AXDND1: variants seen among roughly 807,000 people sequenced by gnomAD.
AXDND1 encodes the protein axonemal dynein light chain domain containing 1, also known as axonemal dynein light chain domain-containing protein 1.
In AXDND1, 110 loss-of-function variants were observed where a neutral mutation model predicts 137.5. The ratio of observed to expected loss-of-function variants is 0.80; its 90% CI spans 0.69 to 0.94. The LOEUF (loss-of-function observed/expected upper bound fraction) is 0.94. Ranked by LOEUF, AXDND1 falls within the 40% of genes least tolerant of loss-of-function variation. The pLI is 0.00. For synonymous variants in AXDND1, 414 were observed against 399.7 expected (o/e 1.04, Z -0.43); for missense variants, 1,191 against 1,169.8 (o/e 1.02, Z -0.26).
rs907989537 is a variant in AXDND1 at position 179,369,894 on chromosome 1, T to C, written c.271-81T>C. 5.7e-6 allele frequency: 6 copies of C among 1,059,008 alleles called. No individual in the cohort carries two copies. In the African/African-American group the frequency reaches 9.4e-5, roughly 17 times the overall value. The allele number at this position is 1,059,008 out of a possible 1,614,324, so 65.6% of individuals were successfully genotyped here. ...CCAAGTGCCCTTAATGTAAATACAGTACTTACTCAAAACTATTAATACATT... is the reference window on the plus strand; with the variant it reads ...CCAAGTGCCCTTAATGTAAATACAGCACTTACTCAAAACTATTAATACATT... On this transcript the variant is annotated intron_variant, in intron 3 of 25. Transcript: ENST00000367618.
At position 179,380,240 on chromosome 1, in the gene AXDND1, C is replaced by A. The variant is rs563644966; in HGVS notation, c.581+758C>A. Among the ~76,000 whole-genome samples the A allele has an allele frequency of 7.6e-4, 115 of 151,056 alleles. 2 individuals carry two copies. Among genetic ancestry groups the A allele is most frequent in the African/African-American group, 2.7e-3 (110 of 41,154 alleles). On this transcript the variant is annotated intron_variant, in intron 6 of 25. Transcript: ENST00000367618. ...CTCCAGCCTGGGCGACAGAGTGAGACTCCGTCTCAAAAAAAAAATACATAA... is the reference window on the plus strand; with the variant it reads ...CTCCAGCCTGGGCGACAGAGTGAGAATCCGTCTCAAAAAAAAAATACATAA...
intron 15 of AXDND1, among the ~76,000 whole-genome samples, chr1:179,435,832 A>G (rs1011505814): frequency 6.6e-6 from 1 of 152,232 alleles, no homozygotes; most frequent in African/African-American, 2.4e-5. Flanking sequence ...ACCAAAATTG[A>G]CAAATGGGAT....
At position 179,365,971 on chromosome 1, in the gene AXDND1, C is replaced by T. The variant is rs567108632; in HGVS notation, c.-136C>T. 3.5e-4 allele frequency: 54 copies of T among 153,002 alleles called. 1 individual carries two copies. The South Asian group carries it at 9.9e-3, about 28-fold the overall frequency. The allele number at this position is 153,002 out of a possible 1,614,324, so 9.5% of individuals were successfully genotyped here. On this transcript the variant is annotated 5_prime_UTR_variant, in exon 1 of 26. Transcript: ENST00000367618. ...CTATGACGACAAACAGGCGTTCCAG[C>T]AAAGGAGGAAGTGAGCGGATGCTGG...
intron 20 of AXDND1, among the ~76,000 whole-genome samples, chr1:179,506,225 G>A (rs1668525713): frequency 6.6e-6 from 1 of 152,048 alleles, no homozygotes; most frequent in Admixed American, 6.6e-5. Context: ...ATACACTGAA[G>A]AATAGTCATA....
At chr1:179,478,347 G>C (rs1209002975) in intron 17 of AXDND1, among the ~76,000 whole-genome samples, 1 of 152,212 alleles carries the variant, frequency 6.6e-6, no homozygotes, top group Non-Finnish European at 1.5e-5. Flanking sequence ...CTTCTGCCTG[G>C]ACATCCAGTC....
intron 21 of AXDND1, among the ~76,000 whole-genome samples, chr1:179,511,380 A>G (rs963207782): frequency 7.3e-6 from 1 of 136,988 alleles, no homozygotes; most frequent in Non-Finnish European, 1.5e-5. Context: ...TATACATAGT[A>G]TATGGTATAT....
chr1:179,471,183 A>G (rs1401915450), intron 17 of AXDND1, among the ~76,000 whole-genome samples: 1 of 152,134 alleles, frequency 6.6e-6, no homozygotes, highest in African/African-American at 2.4e-5. Context: ...ACATTGGTCT[A>G]TTTTATTTTC....
intron 9 of AXDND1, among the ~76,000 whole-genome samples, chr1:179,386,050 C>CTTTT (rs71111980): frequency 8.8e-5 from 9 of 102,420 alleles, no homozygotes; most frequent in Non-Finnish European, 1.3e-4. Flanking sequence ...GGATTTTTTC[C>CTTTT]TTTTTTTTTT....
In AXDND1 at chr1:179,369,978, A is replaced by T; in HGVS notation, c.274A>T (p.Thr92Ser). 6.2e-7 allele frequency: 1 copy of T among 1,612,692 alleles called. No individual in the cohort carries two copies. The highest frequency in any genetic ancestry group is 8.5e-7 in the Non-Finnish European group (1 of 1,179,170). Reference sequence around the variant, plus strand: ...ATGTGTATTTGCTTTTTCCCAGGGCACTCTTCCACGCCTTGTAGACCATGT... The same window carrying T: ...ATGTGTATTTGCTTTTTCCCAGGGCTCTCTTCCACGCCTTGTAGACCATGT... ...PPKKIKTPKGTLPRLVDHVWH... is the reference protein window; with the variant it reads ...PPKKIKTPKGSLPRLVDHVWH... The change falls in exon 4 of 26, where the codon ACT becomes TCT. Residue 92 changes from threonine to serine, a missense_variant. By Grantham distance (58) the Thr-to-Ser change is moderately conservative. Transcript: ENST00000367618.
intron 9 of AXDND1, among the ~76,000 whole-genome samples, chr1:179,392,854 G>A (rs114589440): frequency 0.012 from 1,764 of 151,878 alleles, 13 homozygotes; most frequent in African/African-American, 0.016. Flanking sequence ...GGAGTTCATC[G>A]TAGATTTTGG....
At chr1:179,462,597 A>G (rs931119646) in intron 16 of AXDND1, among the ~76,000 whole-genome samples, 6 of 152,022 alleles carry the variant, frequency 3.9e-5, no homozygotes, top group Non-Finnish European at 7.4e-5. Context: ...TTTTCTATTG[A>G]TTGGAATAGT....
At chr1:179,431,550 G>T (rs1657378567) in intron 14 of AXDND1, among the ~76,000 whole-genome samples, 1 of 151,022 alleles carries the variant, frequency 6.6e-6, no homozygotes, top group Non-Finnish European at 1.5e-5. Context: ...TGGACTAGAT[G>T]ATTTCTAAGG....
intron 12 of AXDND1, among the ~76,000 whole-genome samples, chr1:179,419,474 C>T (rs1280154842): frequency 1.3e-5 from 2 of 148,408 alleles, no homozygotes; most frequent in African/African-American, 2.5e-5. Flanking sequence ...ACCAGTCAGG[C>T]GTGGCGGCGT....
At position 179,386,759 on chromosome 1, in the gene AXDND1, C is replaced by G. The variant is rs1649290225; in HGVS notation, c.863+1400C>G. 2.6e-5 allele frequency among the ~76,000 whole-genome samples: 4 copies of G among 151,934 alleles called. No homozygotes were observed. In the South Asian group the frequency reaches 8.3e-4, roughly 31 times the overall value. ...ATTATTTTTGACATAGAGTCTTGCT[C>G]TGTTACCCAGGCTGGAGTGCAGTGG... On this transcript the variant is annotated intron_variant, in intron 9 of 25. Coordinates refer to ENST00000367618, the MANE Select transcript of AXDND1 (RefSeq NM_144696.6).
chr1:179,512,266 C>T (rs186860382), intron 21 of AXDND1, among the ~76,000 whole-genome samples: 20 of 152,284 alleles, frequency 1.3e-4, no homozygotes, highest in African/African-American at 4.6e-4. Context: ...GATCCAGTTT[C>T]GTTCTCCTAC....
At chr1:179,458,424 A>C (rs1046361494) in intron 16 of AXDND1, among the ~76,000 whole-genome samples, 1 of 152,170 alleles carries the variant, frequency 6.6e-6, no homozygotes, top group African/African-American at 2.4e-5. Flanking sequence ...AGAAAACCAT[A>C]ATGTCAAAAC....
intron 20 of AXDND1, among the ~76,000 whole-genome samples, chr1:179,503,231 C>A (rs1053769044): frequency 2.6e-5 from 4 of 152,090 alleles, no homozygotes; most frequent in Admixed American, 1.3e-4. Context: ...GGGAGCAATT[C>A]TCTCTTTAAA....
chr1:179,468,411 T>C (rs1663501815), intron 16 of AXDND1, 32 bp from the exon 17 acceptor site: 5 of 1,457,524 alleles, frequency 3.4e-6, no homozygotes, highest in African/African-American at 2.8e-5. Flanking sequence ...TACAAATATT[T>C]CTAAAAGTTA....
At chr1:179,464,893 C>T (rs563745261) in intron 16 of AXDND1, among the ~76,000 whole-genome samples, 88 of 152,274 alleles carry the variant, frequency 5.8e-4, no homozygotes, top group African/African-American at 2.1e-3. Context: ...CTCTTTCTTC[C>T]ACTTGATCAA....
Sources: allele counts gnomAD v4.1 joint callset (sites outside exome capture counted in the v4.1 genomes callset), GRCh38; gene constraint gnomAD v4.1.1; transcripts MANE v1.5; gene names NCBI Gene and HGNC (gene_info 2026-07-23, HGNC 2026-07-21).